The following SH3RF3 variants were observed in gnomAD, a reference collection of about 807,000 sequenced individuals.
SH3RF3 encodes SH3 domain containing ring finger 3, also known as E3 ubiquitin-protein ligase SH3RF3.
A neutral mutation model predicts 66.3 loss-of-function variants in SH3RF3; 29 were observed. That is an observed-to-expected ratio of 0.44 (90% confidence interval 0.33 to 0.60). The LOEUF (loss-of-function observed/expected upper bound fraction) is 0.60, where lower values mean the gene tolerates loss of function less well. Ranked by LOEUF, SH3RF3 falls within the 20% of genes least tolerant of loss-of-function variation. The probability of loss-of-function intolerance (pLI) is 0.04; values close to 1 mark genes in which losing one functional copy is unlikely to be tolerated. For synonymous variants in SH3RF3, 583 were observed against 532.0 expected (o/e 1.10, Z -1.32); for missense variants, 1,194 against 1,190.9 (o/e 1.00, Z -0.04).
chr2:109,344,935 T>C (rs948210655), intron 1 of SH3RF3, among the ~76,000 whole-genome samples: 22 of 152,054 alleles, frequency 1.4e-4, no homozygotes, highest in African/African-American at 5.3e-4. Flanking sequence ...CACAGGTTGA[T>C]TTGAGAGCCA....
chr2:109,165,120 C>G (rs905420048), intron 1 of SH3RF3, among the ~76,000 whole-genome samples: 1 of 152,180 alleles, frequency 6.6e-6, no homozygotes, highest in Non-Finnish European at 1.5e-5. Flanking sequence ...TGGCTTCCCC[C>G]CTCCTTTAGT....
Position 109,129,379 on chromosome 2 carries a change from C to T in SH3RF3, c.-162C>T. 8.6e-7 allele frequency: 1 copy of T among 1,163,694 alleles called. No individual in the cohort carries two copies. The highest frequency in any genetic ancestry group is 1.2e-6 in the Non-Finnish European group (1 of 830,158). The allele number at this position is 1,163,694 out of a possible 1,614,324, so 72.1% of individuals were successfully genotyped here. A position where few individuals can be genotyped will look rare whatever the true frequency, so the allele number is the denominator to read the frequency against. ...CCCGCCACGCAGGCCGGTCGGTGAG[C>T]CACTTCGCACCGCCACAGCCCTAGC... On this transcript the variant is annotated 5_prime_UTR_variant, in exon 1 of 10. Coordinates refer to ENST00000309415, the MANE Select transcript of SH3RF3 (RefSeq NM_001099289.3).
chr2:109,487,881 G>C (rs1287210277), intron 8 of SH3RF3, among the ~76,000 whole-genome samples: 1 of 152,126 alleles, frequency 6.6e-6, no homozygotes, highest in Non-Finnish European at 1.5e-5. Context: ...GCTAGGCGCT[G>C]GTGGGGATAC....
chr2:109,416,029 C>G (rs529427789), intron 4 of SH3RF3, among the ~76,000 whole-genome samples: 1 of 152,318 alleles, frequency 6.6e-6, no homozygotes, highest in African/African-American at 2.4e-5. Flanking sequence ...TGATGCTCTG[C>G]AGAGTCCCCA....
intron 1 of SH3RF3, among the ~76,000 whole-genome samples, chr2:109,322,486 AGG>A (rs1682049000): frequency 1.3e-5 from 2 of 152,234 alleles, no homozygotes; most frequent in Admixed American, 6.5e-5. Context: ...GTCCATCTTA[AGG>A]AAGCTGAAAT....
intron 1 of SH3RF3, among the ~76,000 whole-genome samples, chr2:109,183,681 G>A (rs565162742): frequency 6.6e-6 from 1 of 152,288 alleles, no homozygotes; most frequent in Admixed American, 6.5e-5. Flanking sequence ...GTTCATCCCT[G>A]AAAACAAAAA....
chr2:109,362,223 C>T (rs1175205808), intron 2 of SH3RF3, among the ~76,000 whole-genome samples: 1 of 152,170 alleles, frequency 6.6e-6, no homozygotes, highest in Non-Finnish European at 1.5e-5. Flanking sequence ...CCTGTAGGTG[C>T]TACTTTTGCG....
intron 1 of SH3RF3, among the ~76,000 whole-genome samples, chr2:109,167,907 A>G (rs1402307927): frequency 2.0e-5 from 3 of 152,168 alleles, no homozygotes; most frequent in Non-Finnish European, 4.4e-5. Context: ...CGTAAGCTTC[A>G]TCAGGTAAGG....
chr2:109,178,933 AT>A (rs1677997015), intron 1 of SH3RF3, among the ~76,000 whole-genome samples: 1 of 151,990 alleles, frequency 6.6e-6, no homozygotes, highest in Admixed American at 6.6e-5. Context: ...TGTGTAAGAT[AT>A]TCAAATTAAC....
chr2:109,249,536 C>CTTTCTTTTTCTTTCT (rs1273437959), intron 1 of SH3RF3, among the ~76,000 whole-genome samples: 13 of 74,106 alleles, frequency 1.8e-4, no homozygotes, highest in Non-Finnish European at 2.8e-4. Context: ...TCTTTCTTTC[C>CTTTCTTTTTCTTTCT]TTCCTTCCTT....
At position 109,170,296 on chromosome 2, in the gene SH3RF3, T is replaced by TCTCTTCTCTC. The variant is rs1558938290; in HGVS notation, c.573+40192_573+40193insCCTCTTCTCT. Among the ~76,000 whole-genome samples the TCTCTTCTCTC allele has an allele frequency of 5.4e-5, 6 of 110,880 alleles. 1 individual carries two copies. Among genetic ancestry groups the TCTCTTCTCTC allele is most frequent in the Non-Finnish European group, 9.4e-5 (5 of 53,342 alleles). The allele number at this position is 110,880 out of a possible 152,430, so 72.7% of individuals were successfully genotyped here. ...TCTCTTCTCTTCTCTTCTCTTCTCT[T>TCTCTTCTCTC]CTCTTCTCTTCTCTTCTCTCCTCTC... On this transcript the variant is annotated intron_variant, in intron 1 of 9. Coordinates refer to ENST00000309415, the MANE Select transcript of SH3RF3 (RefSeq NM_001099289.3).
chr2:109,349,006 T>C (rs1349933871), intron 2 of SH3RF3, among the ~76,000 whole-genome samples: 1 of 152,234 alleles, frequency 6.6e-6, no homozygotes, highest in Non-Finnish European at 1.5e-5. Flanking sequence ...CCTGTGTCTC[T>C]CTGTGTCAGT....
At chr2:109,201,530 T>C (rs1678676296) in intron 1 of SH3RF3, among the ~76,000 whole-genome samples, 1 of 152,120 alleles carries the variant, frequency 6.6e-6, no homozygotes, top group Non-Finnish European at 1.5e-5. Flanking sequence ...CCTGCTAGGG[T>C]CTCCCCTCCC....
At chr2:109,244,855 A>G (rs1365696006) in intron 1 of SH3RF3, among the ~76,000 whole-genome samples, 1 of 152,108 alleles carries the variant, frequency 6.6e-6, no homozygotes, top group Non-Finnish European at 1.5e-5. Flanking sequence ...CACCTTTCCC[A>G]CTGCAGCCTG....
At chr2:109,134,566 T>G (rs1433683794) in intron 1 of SH3RF3, among the ~76,000 whole-genome samples, 1 of 152,202 alleles carries the variant, frequency 6.6e-6, no homozygotes, top group Admixed American at 6.5e-5. Flanking sequence ...GTGTTTTAAG[T>G]GTGGCTCATC....
chr2:109,245,351 A>C (rs1304756495), intron 1 of SH3RF3, among the ~76,000 whole-genome samples: 1 of 151,364 alleles, frequency 6.6e-6, no homozygotes, highest in Admixed American at 6.6e-5. Context: ...GACAGTGTCA[A>C]CCTCTGCTGT....
intron 8 of SH3RF3, among the ~76,000 whole-genome samples, chr2:109,465,316 G>T (rs1221032685): frequency 6.6e-6 from 1 of 152,198 alleles, no homozygotes; most frequent in East Asian, 1.9e-4. Context: ...CATAAATTCG[G>T]ATAAATACCA....
intron 1 of SH3RF3, among the ~76,000 whole-genome samples, chr2:109,213,844 C>T (rs758504639): frequency 1.2e-4 from 18 of 152,106 alleles, no homozygotes; most frequent in Admixed American, 2.6e-4. Flanking sequence ...GGTTACAGCC[C>T]GTGGGTCGTT....
chr2:109,455,900 C>T (rs1321162229), intron 8 of SH3RF3, among the ~76,000 whole-genome samples: 1 of 152,234 alleles, frequency 6.6e-6, no homozygotes, highest in African/African-American at 2.4e-5. Flanking sequence ...CTGCTGTCAC[C>T]TGCACACACT....
Sources: gnomAD v4.1 joint callset for allele counts (sites outside exome capture counted in the v4.1 genomes callset) on GRCh38, gnomAD v4.1.1 for gene constraint, MANE v1.5 for transcripts, NCBI Gene and HGNC (gene_info 2026-07-23, HGNC 2026-07-21) for gene names.